Variants in IFT172 observed in about 807,000 individuals in gnomAD.
IFT172 encodes intraflagellar transport protein 172 homolog.
IFT172 carries 164 observed loss-of-function variants against 248.9 expected under a neutral mutation model. The ratio of observed to expected loss-of-function variants is 0.66; its 90% CI spans 0.58 to 0.75. IFT172 has a LOEUF of 0.75. Ranked by LOEUF, IFT172 falls within the 30% of genes least tolerant of loss-of-function variation. The pLI is 0.00. For synonymous variants in IFT172, 729 were observed against 791.6 expected, an observed-to-expected ratio of 0.92 and a Z score of 1.33; for missense variants, 1,950 against 2,192.4, an observed-to-expected ratio of 0.89 and a Z score of 2.21.
At chr2:27,477,755 T>C in intron 11 of IFT172, 143 bp from the exon 12 acceptor site, 1 of 776,052 alleles carries the variant, frequency 1.3e-6, no homozygotes, top group South Asian at 1.6e-5. Context: ...TATCAGAATC[T>C]GCTCTGGTCC....
Position 27,454,633 on chromosome 2 carries a change from A to G in IFT172, c.3399T>C (p.Ser1133=), listed in dbSNP as rs761465557. ...GGGTTTTGTGCTTGAGGGCCAGCCGAGAGAGTTCAAACGCAAATTCAAAGG... is the reference window on the plus strand; with the variant it reads ...GGGTTTTGTGCTTGAGGGCCAGCCGGGAGAGTTCAAACGCAAATTCAAAGG... The part of the protein sequence containing the change: ...NCSFEFAFEL[S]RLALKHKTPE... The change falls in exon 31 of 48, where the codon TCT becomes TCC. Residue 1133 remains serine, a synonymous_variant. Transcript: ENST00000260570. This position sits in a 1 kb window ranked among gnomAD's most constrained non-coding sequence, Gnocchi z 4.2. 3.7e-6 allele frequency: 6 copies of G among 1,614,144 alleles called. No homozygotes were observed. Among genetic ancestry groups the G allele is most frequent in the Non-Finnish European group, 5.1e-6 (6 of 1,180,022 alleles).
chr2:27,477,695 G>C, intron 11 of IFT172, 83 bp from the exon 12 acceptor site: 2 of 1,018,066 alleles, frequency 2.0e-6, no homozygotes, highest in Non-Finnish European at 1.6e-6. Context: ...AGGTTGGGAA[G>C]TGGAAAGATA....
chr2:27,445,198 G>A lies in IFT172; in HGVS notation c.5069-93C>T. ...CCTGGGGGGTAGAAAGCACAGTCCTGTCTTTTGTACCCTTTACTGAATCCT... is the reference window on the plus strand; with the variant it reads ...CCTGGGGGGTAGAAAGCACAGTCCTATCTTTTGTACCCTTTACTGAATCCT... On this transcript the variant is annotated intron_variant, in intron 46 of 47. Transcript: ENST00000260570. The surrounding 1 kb of genome is among the most constrained non-coding windows in gnomAD (Gnocchi z 4.4). 6.3e-7 allele frequency: 1 copy of A among 1,590,922 alleles called. No individual in the cohort carries two copies. The highest frequency in any genetic ancestry group is 1.8e-5 in the Admixed American group (1 of 56,876).
intron 42 of IFT172, among the ~76,000 whole-genome samples, chr2:27,446,945 C>T (rs1366782235): frequency 1.3e-5 from 2 of 151,938 alleles, no homozygotes; most frequent in East Asian, 1.9e-4. Context: ...ATGATCCACC[C>T]GCCTCGGCCT....
chr2:27,470,782 G>C, intron 16 of IFT172, 146 bp downstream of exon 16: 1 of 701,132 alleles, frequency 1.4e-6, no homozygotes, highest in Non-Finnish European at 2.2e-6. Context: ...CTGGGGGCTG[G>C]TCCATAAGTC....
intron 4 of IFT172, 145 bp from the exon 5 acceptor site, chr2:27,484,082 C>T (rs1244887719): frequency 3.1e-6 from 4 of 1,292,164 alleles, no homozygotes; most frequent in Non-Finnish European, 3.4e-6. Flanking sequence ...CAGCAGATGA[C>T]CATGAACAGC....
Position 27,447,920 on chromosome 2 carries a change from G to A in IFT172, c.4431C>T (p.Asn1477=), listed in dbSNP as rs768854741. 15 of 1,585,746 alleles carry A rather than the reference G, an allele frequency of 9.5e-6. No homozygotes were observed. Among genetic ancestry groups the A allele is most frequent in the Non-Finnish European group, 1.3e-5 (15 of 1,154,220 alleles). The change falls in exon 41 of 48, where the codon AAC becomes AAT. Residue 1477 remains asparagine (N), a splice_region_variant and synonymous_variant. Coordinates refer to ENST00000260570, the MANE Select transcript of IFT172 (RefSeq NM_015662.3). ...VQHGAPANPQ[N]FNIYKRIFTD... ...TGAAGATCCTTTTGTAGATATTGAA[G>A]TTCTAGAGGTAGAGGGAAGAAGGGG...
At chr2:27,462,849 G>A in intron 19 of IFT172, 56 bp from the exon 20 acceptor site, 3 of 1,543,732 alleles carry the variant, frequency 1.9e-6, no homozygotes, top group Non-Finnish European at 2.7e-6. Flanking sequence ...TTCTGTCTGT[G>A]AGGGCTGAAA....
intron 16 of IFT172, among the ~76,000 whole-genome samples, chr2:27,467,569 G>A (rs750564750): frequency 7.8e-6 from 1 of 127,526 alleles, no homozygotes; most frequent in African/African-American, 3.1e-5. Context: ...CCAAGATCAC[G>A]CCACTGCACT....
At chr2:27,485,188 G>T in intron 2 of IFT172, 58 bp from the exon 3 acceptor site, 1 of 1,445,436 alleles carries the variant, frequency 6.9e-7, no homozygotes, top group South Asian at 1.2e-5. Flanking sequence ...ACATGAAAGA[G>T]AAAAGAGAAA....
chr2:27,462,552 A>C, intron 20 of IFT172, 149 bp downstream of exon 20: 1 of 640,228 alleles, frequency 1.6e-6, no homozygotes, highest in Non-Finnish European at 2.7e-6. Flanking sequence ...GAAAAGGGTG[A>C]AATTAACTAT....
At position 27,480,084 on chromosome 2, in the gene IFT172, G is replaced by T; in HGVS notation, c.851C>A (p.Thr284Asn). Reference protein sequence around the residue: ...IWEEAKPKEITNLYTITALAW... With the variant: ...IWEEAKPKEINNLYTITALAW... ...CAAGGCAGTGATGGTGTATAAATTG[G>T]TAATCTCCTTGGGCTTTGCCTCTTC... The change falls in exon 9 of 48, where the codon ACC (threonine) becomes AAC (asparagine). Residue 284 changes from threonine (T) to asparagine (N), a missense_variant. Thr to Asn is a moderately conservative substitution (Grantham distance 65, BLOSUM62 0). Around this residue, in one of 3 missense-constraint regions of IFT172, gnomAD observed 1,166 missense variants for 1,254.1 expected, o/e 0.93. Transcript: ENST00000260570. 6.2e-7 allele frequency: 1 copy of T among 1,614,014 alleles called. No homozygotes were observed. The highest frequency in any genetic ancestry group is 8.5e-7 in the Non-Finnish European group (1 of 1,179,928).
At chr2:27,484,450 G>A (rs532493211) in intron 3 of IFT172, among the ~76,000 whole-genome samples, 184 bp from the exon 4 acceptor site, 21 of 152,214 alleles carry the variant, frequency 1.4e-4, no homozygotes, top group African/African-American at 4.8e-4. Flanking sequence ...AATTAGCCGG[G>A]TGTGGTGGTG....
chr2:27,455,225 C>T, intron 30 of IFT172: 1 of 346,842 alleles, frequency 2.9e-6, no homozygotes, highest in Non-Finnish European at 5.5e-6. Context: ...AGGCAAACGG[C>T]AGGTCCTTAT....
chr2:27,472,976 G>A (rs1334405054), intron 14 of IFT172, among the ~76,000 whole-genome samples: 3 of 152,038 alleles, frequency 2.0e-5, no homozygotes, highest in Non-Finnish European at 2.9e-5. Context: ...ATGAACAATG[G>A]GCCCCACTTT....
chr2:27,468,068 G>C (rs932981648), intron 16 of IFT172, among the ~76,000 whole-genome samples: 34 of 151,314 alleles, frequency 2.2e-4, no homozygotes, highest in African/African-American at 8.0e-4. Context: ...GCTGAGGCAG[G>C]AGAATTGCTT....
chr2:27,455,859 C>G (rs1044635061), intron 30 of IFT172: 6 of 431,626 alleles, frequency 1.4e-5, no homozygotes, highest in African/African-American at 8.4e-5. Context: ...GATTCTTTTT[C>G]TAGAGATGTA....
In IFT172 at chr2:27,446,101, T is replaced by C; in HGVS notation, c.4756-113A>G. 3 of 1,440,322 alleles carry C rather than the reference T, an allele frequency of 2.1e-6. 1 individual carries two copies. The South Asian group carries it at 3.5e-5, about 17-fold the overall frequency. The allele number at this position is 1,440,322 out of a possible 1,614,324, so 89.2% of individuals were successfully genotyped here. On this transcript the variant is annotated intron_variant, in intron 43 of 47. Transcript: ENST00000260570. ...AAGCTGGGCTTGAATGCTATTTCTC[T>C]GGGATCCAGGGAGAAAAATCCAGGA... is the stretch of plus-strand genomic sequence containing the variant.
chr2:27,469,122 A>G lies in IFT172; in HGVS notation c.1692+1806T>C, dbSNP rs1667350274. 2.0e-5 allele frequency among the ~76,000 whole-genome samples: 3 copies of G among 152,218 alleles called. No homozygotes were observed. The South Asian group carries it at 6.2e-4, about 32-fold the overall frequency. Reference sequence around the variant, plus strand: ...GAAATTTCTAAATAAGGCTGGGCGCAGTGGCTCATGTCTGTAATCCCAGCA... The same window carrying G: ...GAAATTTCTAAATAAGGCTGGGCGCGGTGGCTCATGTCTGTAATCCCAGCA... On this transcript the variant is annotated intron_variant, in intron 16 of 47. Transcript: ENST00000260570.
Sources: gnomAD v4.1 joint callset for allele counts (sites outside exome capture counted in the v4.1 genomes callset) on GRCh38, gnomAD v4.1.1 for gene constraint, gnomAD v4.1.1 regional missense constraint, Gnocchi (gnomAD v3.1) non-coding constraint, MANE v1.5 for transcripts, NCBI Gene and HGNC (gene_info 2026-07-23, HGNC 2026-07-21) for gene names.